The following LEKR1 variants were observed in gnomAD, a reference collection of about 807,000 sequenced individuals.
LEKR1 encodes the protein protein LEKR1.
LEKR1 carries 59 observed loss-of-function variants against 72.4 expected under a neutral mutation model. The ratio of observed to expected loss-of-function variants is 0.82; its 90% confidence interval spans 0.66 to 1.01. The LOEUF is 1.01. Ranked by LOEUF, LEKR1 falls within the 50% of genes least tolerant of loss-of-function variation. The pLI is 0.00. For missense variants in LEKR1, 728 were observed against 759.2 expected (o/e 0.96, Z 0.48); for synonymous variants, 257 against 263.2 (o/e 0.98, Z 0.23).
intron 2 of LEKR1, among the ~76,000 whole-genome samples, chr3:156,838,747 G>A (rs1323060612): frequency 6.6e-6 from 1 of 152,176 alleles, no homozygotes; most frequent in African/African-American, 2.4e-5. Flanking sequence ...ATAAGCAGCT[G>A]CCAGAGCTCA....
intron 9 of LEKR1, among the ~76,000 whole-genome samples, chr3:157,003,029 C>T (rs1304795312): frequency 6.6e-6 from 1 of 152,178 alleles, no homozygotes; most frequent in African/African-American, 2.4e-5. Context: ...TCAGTACCAT[C>T]TACTTTATAG....
intron 8 of LEKR1, 125 bp from the exon 9 acceptor site, chr3:156,992,945 TAAAA>T: frequency 1.8e-6 from 1 of 549,568 alleles, no homozygotes. Context: ...ATTCTTTTTT[TAAAA>T]TTTTTAATTT....
intron 10 of LEKR1, among the ~76,000 whole-genome samples, chr3:157,017,159 T>C (rs1733409847): frequency 6.6e-6 from 1 of 152,242 alleles, no homozygotes; most frequent in Non-Finnish European, 1.5e-5. Context: ...CATTCAACCC[T>C]GTCATTGTAA....
chr3:156,829,498 G>C (rs541513625), intron 2 of LEKR1, 121 bp downstream of exon 2: 1 of 578,000 alleles, frequency 1.7e-6, no homozygotes, highest in African/African-American at 1.9e-5. Flanking sequence ...TTGGTGGAGT[G>C]GGAGAGGGAA....
intron 6 of LEKR1, among the ~76,000 whole-genome samples, chr3:156,976,520 T>C (rs1488392146): frequency 6.6e-6 from 1 of 152,028 alleles, no homozygotes. Context: ...AACTATAATA[T>C]ATATTTAAGC....
At chr3:156,850,309 T>G (rs1715195261) in intron 2 of LEKR1, among the ~76,000 whole-genome samples, 1 of 151,968 alleles carries the variant, frequency 6.6e-6, no homozygotes. Context: ...TGTACTTGGA[T>G]CTGAAAAGCC....
At chr3:156,984,123 G>T (rs1386077466) in intron 7 of LEKR1, among the ~76,000 whole-genome samples, 2 of 152,132 alleles carry the variant, frequency 1.3e-5, no homozygotes, top group African/African-American at 4.8e-5. Flanking sequence ...TCAGAAAAAT[G>T]ATCCCATTCA....
Position 157,010,340 on chromosome 3 carries a change from A to G in LEKR1, c.1110-1073A>G, listed in dbSNP as rs1732788007. Among the ~76,000 whole-genome samples, 6 of 152,080 alleles carry G rather than the reference A, an allele frequency of 3.9e-5. No individual in the cohort carries two copies. The South Asian group carries it at 1.2e-3, about 31-fold the overall frequency. On this transcript the variant is annotated intron_variant, in intron 9 of 12. Transcript: ENST00000356539. ...CACTACTGCATGGTTGTAGTAAAAGAGAGAGAAGAAAATGTCAGAGATGAT... is the reference window on the plus strand; with the variant it reads ...CACTACTGCATGGTTGTAGTAAAAGGGAGAGAAGAAAATGTCAGAGATGAT...
intron 2 of LEKR1, among the ~76,000 whole-genome samples, chr3:156,843,937 C>T (rs1714254401): frequency 6.6e-6 from 1 of 152,002 alleles, no homozygotes; most frequent in Non-Finnish European, 1.5e-5. Context: ...TTTGGAGAGA[C>T]TATTCACTTA....
intron 3 of LEKR1, among the ~76,000 whole-genome samples, chr3:156,872,075 G>A (rs1434512949): frequency 1.3e-5 from 2 of 150,918 alleles, no homozygotes; most frequent in Non-Finnish European, 3.0e-5. Flanking sequence ...TCCTGGACTT[G>A]TCTTTGTTGG....
At chr3:156,860,093 A>G (rs574996872) in intron 3 of LEKR1, among the ~76,000 whole-genome samples, 45 of 152,210 alleles carry the variant, frequency 3.0e-4, no homozygotes, top group African/African-American at 1.0e-3. Flanking sequence ...GAGTCTTTCT[A>G]TGCTGCTTAT....
intron 6 of LEKR1, among the ~76,000 whole-genome samples, chr3:156,973,796 A>G (rs1225921026): frequency 1.3e-5 from 2 of 152,154 alleles, no homozygotes; most frequent in African/African-American, 4.8e-5. Flanking sequence ...AAGGAAGCAG[A>G]GAACTGCAAG....
chr3:156,927,073 T>C (rs1051499111), intron 4 of LEKR1, among the ~76,000 whole-genome samples: 3 of 151,980 alleles, frequency 2.0e-5, no homozygotes, highest in East Asian at 1.9e-4. Flanking sequence ...GACTTTAAGA[T>C]TGTCATTTAG....
chr3:156,867,727 C>T (rs1318121636), intron 3 of LEKR1, among the ~76,000 whole-genome samples: 1 of 151,960 alleles, frequency 6.6e-6, no homozygotes, highest in Non-Finnish European at 1.5e-5. Context: ...GTTCTTAAGT[C>T]TCAGCTTTTA....
At chr3:156,860,857 A>G (rs1716682366) in intron 3 of LEKR1, among the ~76,000 whole-genome samples, 1 of 152,178 alleles carries the variant, frequency 6.6e-6, no homozygotes, top group Admixed American at 6.6e-5. Context: ...CTTGCTCAGT[A>G]AGTAGGCTTT....
At chr3:156,925,728 C>T (rs1349863564) in intron 4 of LEKR1, among the ~76,000 whole-genome samples, 1 of 151,830 alleles carries the variant, frequency 6.6e-6, no homozygotes, top group East Asian at 1.9e-4. Context: ...TCAGGTTTTT[C>T]CTCTCTCTCA....
chr3:156,867,745 C>A (rs1399062565), intron 3 of LEKR1, among the ~76,000 whole-genome samples: 1 of 151,956 alleles, frequency 6.6e-6, no homozygotes, highest in African/African-American at 2.4e-5. Flanking sequence ...TTAAATATGT[C>A]ACTATCTTTC....
intron 3 of LEKR1, among the ~76,000 whole-genome samples, chr3:156,875,827 C>G (rs1718485445): frequency 6.6e-6 from 1 of 151,934 alleles, no homozygotes; most frequent in South Asian, 2.1e-4. Context: ...AACCCCGTCT[C>G]TACTAAAAAT....
chr3:156,960,338 T>G (rs1728005579), intron 6 of LEKR1, among the ~76,000 whole-genome samples: 1 of 152,174 alleles, frequency 6.6e-6, no homozygotes, highest in Non-Finnish European at 1.5e-5. Flanking sequence ...CAGACTGGAG[T>G]GCAGTGGCGC....
Sources: gnomAD v4.1 joint callset for allele counts (sites outside exome capture counted in the v4.1 genomes callset) on GRCh38, gnomAD v4.1.1 for gene constraint, MANE v1.5 for transcripts, NCBI Gene and HGNC (gene_info 2026-07-23, HGNC 2026-07-21) for gene names.